Variants in IPO11 observed in about 807,000 individuals in gnomAD.
The protein encoded by IPO11 is importin-11.
A neutral mutation model predicts 143.2 loss-of-function variants in IPO11; 66 were observed. The observed-to-expected ratio is 0.46, with a 90% CI of 0.38 to 0.57. The LOEUF (loss-of-function observed/expected upper bound fraction) is 0.57, where lower values mean the gene tolerates loss of function less well. Ranked by LOEUF, IPO11 falls within the 20% of genes least tolerant of loss-of-function variation. The pLI, the probability that IPO11 is intolerant of heterozygous loss-of-function variation, is 0.00. For missense variants in IPO11, 1,026 were observed against 1,141.0 expected, an observed-to-expected ratio of 0.90 and a Z score of 1.45; for synonymous variants, 385 against 377.8, an observed-to-expected ratio of 1.02 and a Z score of -0.22.
At chr5:62,508,200 A>G (rs141387150) in intron 19 of IPO11, among the ~76,000 whole-genome samples, 16 of 151,712 alleles carry the variant, frequency 1.1e-4, no homozygotes, top group African/African-American at 3.9e-4. Flanking sequence ...ATCTCAGCTG[A>G]CTGTACCCTC....
chr5:62,515,886 A>G (rs1297073340), intron 20 of IPO11, among the ~76,000 whole-genome samples: 1 of 152,194 alleles, frequency 6.6e-6, no homozygotes, highest in Non-Finnish European at 1.5e-5. Flanking sequence ...TTGGTAAGGC[A>G]GGAAACCAGG....
At chr5:62,493,976 T>A (rs1422334245) in intron 15 of IPO11, 22 bp from the exon 16 acceptor site, 2 of 1,587,792 alleles carry the variant, frequency 1.3e-6, no homozygotes, top group African/African-American at 1.4e-5. Flanking sequence ...ACATTTTAAT[T>A]TCATGATTTT....
intron 8 of IPO11, 103 bp downstream of exon 8, chr5:62,474,567 A>G (rs1745890148): frequency 3.7e-6 from 3 of 809,522 alleles, no homozygotes; most frequent in Non-Finnish European, 6.0e-6. Context: ...ATAGATGCTT[A>G]TTCATTAATA....
At chr5:62,564,852 A>G (rs1743881219) in intron 27 of IPO11, among the ~76,000 whole-genome samples, 1 of 152,212 alleles carries the variant, frequency 6.6e-6, no homozygotes, top group African/African-American at 2.4e-5. Context: ...AGTGAAGACT[A>G]CAGACTTTAG....
Position 62,579,451 on chromosome 5 carries a change from C to A in IPO11, c.2583-12126C>A, listed in dbSNP as rs771153732. Reference sequence around the variant, plus strand: ...CAAGAACAGGGATATGTGTGGATTACAGTTTTCTCTGCCTTGCCTACGACT... The same window carrying A: ...CAAGAACAGGGATATGTGTGGATTAAAGTTTTCTCTGCCTTGCCTACGACT... On this transcript the variant is annotated intron_variant, in intron 27 of 29. Coordinates refer to ENST00000325324, the MANE Select transcript of IPO11 (RefSeq NM_016338.5). The A allele has an allele frequency of 8.4e-6, 13 of 1,550,712 alleles. No homozygotes were observed. The African/African-American group carries it at 1.5e-4, about 18-fold the overall frequency.
At chr5:62,419,242 G>A in intron 1 of IPO11, 2 of 1,184,120 alleles carry the variant, frequency 1.7e-6, no homozygotes, top group Admixed American at 5.7e-5. Flanking sequence ...GGAGCTTGGA[G>A]GACTGGAAAT....
intron 6 of IPO11, among the ~76,000 whole-genome samples, chr5:62,468,357 A>G (rs1184885667): frequency 6.6e-6 from 1 of 152,234 alleles, no homozygotes; most frequent in African/African-American, 2.4e-5. Flanking sequence ...GCATCGCCTT[A>G]ATACATCACT....
chr5:62,432,376 T>C (rs939386844), intron 1 of IPO11, among the ~76,000 whole-genome samples: 1 of 152,214 alleles, frequency 6.6e-6, no homozygotes, highest in Non-Finnish European at 1.5e-5. Flanking sequence ...CTGCAGCATA[T>C]AGCTGGGGTG....
intron 27 of IPO11, 22 bp from the exon 28 acceptor site, chr5:62,591,555 T>C: frequency 7.2e-7 from 1 of 1,396,678 alleles, no homozygotes; most frequent in African/African-American, 1.5e-5. Context: ...AGTTAACCTG[T>C]TTTGCTTTTC....
chr5:62,537,370 C>T (rs532617132), intron 24 of IPO11, 81 bp downstream of exon 24: 165 of 926,322 alleles, frequency 1.8e-4, no homozygotes, highest in East Asian at 9.5e-4. Flanking sequence ...TTGGATGGTT[C>T]GCAAGAAGGA....
intron 9 of IPO11, among the ~76,000 whole-genome samples, chr5:62,477,825 GGATA>G (rs1746013910): frequency 6.6e-6 from 1 of 152,154 alleles, no homozygotes; most frequent in Admixed American, 6.5e-5. Context: ...GTAATGACAT[GGATA>G]GATGGTATCT....
chr5:62,517,358 C>T (rs533502994), intron 20 of IPO11, among the ~76,000 whole-genome samples: 8 of 152,252 alleles, frequency 5.3e-5, no homozygotes, highest in African/African-American at 1.2e-4. Flanking sequence ...GAACAATGAA[C>T]GACCCGAGAT....
At chr5:62,537,310 G>T in intron 24 of IPO11, 21 bp downstream of exon 24, 2 of 1,388,340 alleles carry the variant, frequency 1.4e-6, no homozygotes, top group South Asian at 2.4e-5. Context: ...CATTTTAAAT[G>T]AATATATTTA....
intron 26 of IPO11, among the ~76,000 whole-genome samples, chr5:62,559,396 T>A (rs570265170): frequency 9.9e-5 from 15 of 152,252 alleles, no homozygotes; most frequent in Admixed American, 3.3e-4. Context: ...TCATTTTTTT[T>A]AATGATGATG....
At chr5:62,555,757 C>T (rs1295076963) in intron 26 of IPO11, among the ~76,000 whole-genome samples, 1 of 152,030 alleles carries the variant, frequency 6.6e-6, no homozygotes, top group Non-Finnish European at 1.5e-5. Flanking sequence ...CCTGCCTCGG[C>T]CTCCCAATGT....
chr5:62,608,505 T>C (rs1003387382), intron 29 of IPO11, among the ~76,000 whole-genome samples: 2 of 152,220 alleles, frequency 1.3e-5, no homozygotes, highest in Admixed American at 1.3e-4. Context: ...TTAAACTTTG[T>C]CCTGTATTCT....
At chr5:62,500,360 CT>C (rs889379907) in intron 16 of IPO11, among the ~76,000 whole-genome samples, 1 of 151,554 alleles carries the variant, frequency 6.6e-6, no homozygotes, top group African/African-American at 2.4e-5. Context: ...TTACAGTTAA[CT>C]TTTTTTTTAA....
intron 27 of IPO11, chr5:62,578,910 TTAA>T (rs1254879101): frequency 3.9e-6 from 1 of 255,106 alleles, no homozygotes; most frequent in African/African-American, 2.3e-5. Flanking sequence ...CAGCTGAGTG[TTAA>T]TAATACGAAT....
intron 23 of IPO11, 84 bp downstream of exon 23, chr5:62,536,865 A>G: frequency 1.6e-6 from 2 of 1,274,342 alleles, no homozygotes; most frequent in Non-Finnish European, 2.0e-6. Context: ...ACGTTTTCAA[A>G]ATTTTAAGAT....
Sources: allele counts gnomAD v4.1 joint callset (sites outside exome capture counted in the v4.1 genomes callset), GRCh38; gene constraint gnomAD v4.1.1; transcripts MANE v1.5; gene names NCBI Gene and HGNC (gene_info 2026-07-23, HGNC 2026-07-21).